Variants in GSG1L observed in about 807,000 individuals in gnomAD.
GSG1L encodes the protein germ cell-specific gene 1-like protein.
A neutral mutation model predicts 42.1 loss-of-function variants in GSG1L; 24 were observed. That is an observed-to-expected ratio of 0.57 (90% CI 0.41 to 0.80). GSG1L has a LOEUF of 0.80. GSG1L is among the 30% of genes least tolerant of loss of function. The pLI is 0.00. For synonymous variants in GSG1L, 215 were observed against 203.5 expected, an observed-to-expected ratio of 1.06 and a Z score of -0.48; for missense variants, 445 against 472.2, an observed-to-expected ratio of 0.94 and a Z score of 0.53.
intron 1 of GSG1L, among the ~76,000 whole-genome samples, chr16:27,988,897 A>C (rs1253899468): frequency 6.6e-6 from 1 of 151,910 alleles, no homozygotes; most frequent in Non-Finnish European, 1.5e-5. Flanking sequence ...TACTAAAAAT[A>C]CAAAAGTTAG....
intron 5 of GSG1L, among the ~76,000 whole-genome samples, chr16:27,814,546 G>T (rs13331160): frequency 0.01 from 1,568 of 152,218 alleles, 21 homozygotes; most frequent in African/African-American, 0.035. Context: ...TCAGCCAGGC[G>T]TGGTGGCGGG....
Position 27,995,094 on chromosome 16 carries a change from T to C in GSG1L, c.350-31891A>G, listed in dbSNP as rs546672891. On this transcript the variant is annotated intron_variant, in intron 1 of 6. Transcript: ENST00000447459. ...CCCAAGTTCAGGGGACCACCACGCA[T>C]CCCAAGCAGCACTGGGTCTCAACCC... Among the ~76,000 whole-genome samples, 38 of 152,142 alleles carry C rather than the reference T, an allele frequency of 2.5e-4. No individual in the cohort carries two copies. In the South Asian group the frequency reaches 4.1e-3, roughly 17 times the overall value.
chr16:27,884,419 C>G lies in GSG1L; in HGVS notation c.550+67G>C. ...TGCCTCCCGGTTGGTACAACCAGGGCTTACTCCAAGGGCAGCACCCTTTCT... is the reference window on the plus strand; with the variant it reads ...TGCCTCCCGGTTGGTACAACCAGGGGTTACTCCAAGGGCAGCACCCTTTCT... On this transcript the variant is annotated intron_variant, in intron 3 of 6. Coordinates refer to ENST00000447459, the MANE Select transcript of GSG1L (RefSeq NM_001109763.2). The surrounding 1 kb of genome is among the most constrained non-coding windows in gnomAD (Gnocchi z 4.4). 1 of 1,475,872 alleles carries G rather than the reference C, an allele frequency of 6.8e-7. No individual in the cohort carries two copies. The highest frequency in any genetic ancestry group is 9.2e-7 in the Non-Finnish European group (1 of 1,088,628). The allele number at this position is 1,475,872 out of a possible 1,614,324, so 91.4% of individuals were successfully genotyped here.
chr16:27,859,258 A>G (rs904277662), intron 3 of GSG1L, among the ~76,000 whole-genome samples: 11 of 152,070 alleles, frequency 7.2e-5, no homozygotes, highest in African/African-American at 2.7e-4. Context: ...ACTTCCCATG[A>G]TAGTGTCTGG....
intron 6 of GSG1L, among the ~76,000 whole-genome samples, chr16:27,802,330 G>C (rs933100776): frequency 6.6e-6 from 1 of 152,102 alleles, no homozygotes; most frequent in Non-Finnish European, 1.5e-5. Flanking sequence ...GATCTCTCAC[G>C]CATGCCAGCA....
intron 3 of GSG1L, among the ~76,000 whole-genome samples, chr16:27,872,037 A>G (rs1256825023): frequency 6.6e-6 from 1 of 152,212 alleles, no homozygotes; most frequent in East Asian, 1.9e-4. Flanking sequence ...AAGCTGTCTA[A>G]AATTTTTTGA....
intron 1 of GSG1L, among the ~76,000 whole-genome samples, chr16:27,991,207 T>G (rs1306283470): frequency 6.6e-6 from 1 of 152,222 alleles, no homozygotes; most frequent in African/African-American, 2.4e-5. Context: ...ATTATTTGCC[T>G]ACAATTTGGA....
At chr16:27,872,624 T>C (rs2083836575) in intron 3 of GSG1L, among the ~76,000 whole-genome samples, 1 of 152,150 alleles carries the variant, frequency 6.6e-6, no homozygotes, top group Non-Finnish European at 1.5e-5. Context: ...AAGACCTTGC[T>C]GATAAAACAG....
intron 2 of GSG1L, among the ~76,000 whole-genome samples, chr16:27,949,944 A>G (rs2084932909): frequency 6.6e-6 from 1 of 152,170 alleles, no homozygotes; most frequent in Non-Finnish European, 1.5e-5. Context: ...AAACAAACAA[A>G]CAAACAAAAA....
intron 1 of GSG1L, among the ~76,000 whole-genome samples, chr16:27,992,439 G>A (rs2085466710): frequency 6.6e-6 from 1 of 151,822 alleles, no homozygotes; most frequent in Admixed American, 6.6e-5. Context: ...AGGTTACAGT[G>A]AGCTGAGATT....
At chr16:27,881,438 C>T (rs909100004) in intron 3 of GSG1L, among the ~76,000 whole-genome samples, 1 of 151,908 alleles carries the variant, frequency 6.6e-6, no homozygotes, top group African/African-American at 2.4e-5. Context: ...AACTGGGTTT[C>T]ACCATGTTAG....
chr16:28,048,893 T>C (rs139199127), intron 1 of GSG1L, among the ~76,000 whole-genome samples: 5 of 151,874 alleles, frequency 3.3e-5, no homozygotes, highest in Non-Finnish European at 5.9e-5. Flanking sequence ...ACAGAATCAA[T>C]AAATACAAGA....
At position 27,884,476 on chromosome 16, in the gene GSG1L, C is replaced by G. The variant is rs746521844; in HGVS notation, c.550+10G>C. ...TGCTCTGAGAGGCCACAGGACCAGCCATGCCTTACCTGAGAGCACCGTGAA... is the reference window on the plus strand; with the variant it reads ...TGCTCTGAGAGGCCACAGGACCAGCGATGCCTTACCTGAGAGCACCGTGAA... On this transcript the variant is annotated intron_variant, in intron 3 of 6. Coordinates refer to ENST00000447459, the MANE Select transcript of GSG1L (RefSeq NM_001109763.2). The surrounding 1 kb of genome is among the most constrained non-coding windows in gnomAD (Gnocchi z 4.4). 6.2e-7 allele frequency: 1 copy of G among 1,612,036 alleles called. No homozygotes were observed. Among genetic ancestry groups the G allele is most frequent in the East Asian group, 2.2e-5 (1 of 44,848 alleles).
chr16:28,044,632 T>C (rs895511700), intron 1 of GSG1L, among the ~76,000 whole-genome samples: 1 of 151,448 alleles, frequency 6.6e-6, no homozygotes, highest in Admixed American at 6.6e-5. Flanking sequence ...GCTTTTTTTT[T>C]TTTTTTTTTG....
intron 4 of GSG1L, among the ~76,000 whole-genome samples, chr16:27,833,509 A>G (rs1200619910): frequency 6.6e-6 from 1 of 152,150 alleles, no homozygotes; most frequent in Non-Finnish European, 1.5e-5. Flanking sequence ...ATTTTAGAAT[A>G]CTTTTCTCTA....
At chr16:28,014,654 A>ATT (rs3033619) in intron 1 of GSG1L, among the ~76,000 whole-genome samples, 39 of 73,418 alleles carry the variant, frequency 5.3e-4, no homozygotes, top group South Asian at 1.2e-3. Flanking sequence ...CAGGCACGCT[A>ATT]TTTTTTTTTT....
At chr16:28,036,911 G>A (rs903336660) in intron 1 of GSG1L, among the ~76,000 whole-genome samples, 1 of 152,194 alleles carries the variant, frequency 6.6e-6, no homozygotes, top group Non-Finnish European at 1.5e-5. Context: ...TCTTTCTGTA[G>A]CCGGAAACTA....
At chr16:27,951,631 C>T (rs373465600) in intron 2 of GSG1L, among the ~76,000 whole-genome samples, 2 of 152,124 alleles carry the variant, frequency 1.3e-5, no homozygotes, top group African/African-American at 4.8e-5. Flanking sequence ...AGCCACCTGG[C>T]GTATTCCGGC....
rs1189538566 is a variant in GSG1L, at chr16:27,825,808, G to A, written c.830+2981C>T. 2.0e-5 allele frequency among the ~76,000 whole-genome samples: 3 copies of A among 152,132 alleles called. No individual in the cohort carries two copies. In the South Asian group the frequency reaches 6.2e-4, roughly 32 times the overall value. ...CTCATGAGATCTAATGGCTTTATAAGGGGCTTTTCTCCACTTTGCTCGGCA... is the reference window on the plus strand; with the variant it reads ...CTCATGAGATCTAATGGCTTTATAAAGGGCTTTTCTCCACTTTGCTCGGCA... On this transcript the variant is annotated intron_variant, in intron 5 of 6. Coordinates refer to ENST00000447459, the MANE Select transcript of GSG1L (RefSeq NM_001109763.2).
Sources: allele counts gnomAD v4.1 joint callset (sites outside exome capture counted in the v4.1 genomes callset), GRCh38; gene constraint gnomAD v4.1.1; non-coding constraint Gnocchi (gnomAD v3.1); transcripts MANE v1.5; gene names NCBI Gene and HGNC (gene_info 2026-07-23, HGNC 2026-07-21).